STXBP5L: variants seen among roughly 807,000 people sequenced by gnomAD.
The protein encoded by STXBP5L is syntaxin-binding protein 5-like.
A neutral mutation model predicts 144.5 loss-of-function variants in STXBP5L; 65 were observed. The ratio of observed to expected loss-of-function variants is 0.45; its 90% CI spans 0.37 to 0.55. STXBP5L has a LOEUF of 0.55. Among genes scored for constraint, STXBP5L ranks in the 20% least tolerant of loss-of-function variants. The probability of loss-of-function intolerance (pLI) is 0.00; values close to 1 mark genes in which losing one functional copy is unlikely to be tolerated. For missense variants in STXBP5L, 1,298 were observed against 1,405.5 expected (o/e 0.92, Z 1.22); for synonymous variants, 505 against 469.6 (o/e 1.08, Z -0.97).
Position 121,420,226 on chromosome 3 carries a change from G to A in STXBP5L, c.*1129G>A, listed in dbSNP as rs2047326055. On this transcript the variant is annotated 3_prime_UTR_variant, in exon 27 of 27. Transcript: ENST00000471454. ...TTTATGACATTTCTGATTTACAAGG[G>A]CTTTCCTTAGAAAATACCTTTCGGT... is the stretch of plus-strand genomic sequence containing the variant. 1 of 152,112 alleles carries A rather than the reference G, an allele frequency of 6.6e-6. No homozygotes were observed. Among genetic ancestry groups the A allele is most frequent in the Non-Finnish European group, 1.5e-5 (1 of 68,022 alleles). The allele number at this position is 152,112 out of a possible 1,614,324, so 9.4% of individuals were successfully genotyped here.
intron 2 of STXBP5L, among the ~76,000 whole-genome samples, chr3:120,928,183 C>T (rs1277275157): frequency 6.6e-6 from 1 of 152,136 alleles, no homozygotes; most frequent in Non-Finnish European, 1.5e-5. Flanking sequence ...AAATATCTTA[C>T]ATTTTCTAAA....
At chr3:121,180,434 G>A (rs2047095800) in intron 9 of STXBP5L, among the ~76,000 whole-genome samples, 1 of 152,122 alleles carries the variant, frequency 6.6e-6, no homozygotes, top group Admixed American at 6.6e-5. Flanking sequence ...ATGCTAAAAG[G>A]AGTTTTGAAT....
chr3:121,008,979 C>T (rs1944568226), intron 3 of STXBP5L, among the ~76,000 whole-genome samples: 1 of 150,716 alleles, frequency 6.6e-6, no homozygotes, highest in Admixed American at 6.6e-5. Flanking sequence ...GGAATGATAT[C>T]ATATTGATGG....
intron 5 of STXBP5L, among the ~76,000 whole-genome samples, chr3:121,086,437 A>T (rs2042497461): frequency 6.6e-6 from 1 of 151,896 alleles, no homozygotes; most frequent in South Asian, 2.1e-4. Flanking sequence ...GTAACATTAT[A>T]GCACAATGCA....
At position 121,222,397 on chromosome 3, in the gene STXBP5L, T is replaced by C. The variant is rs149344915; in HGVS notation, c.957-606T>C. Among the ~76,000 whole-genome samples the C allele has an allele frequency of 1.2e-4, 18 of 152,264 alleles. No individual in the cohort carries two copies. In the East Asian group the frequency reaches 3.3e-3, roughly 28 times the overall value. Reference sequence around the variant, plus strand: ...ATGGAGTTTATACTGATCTATAGACTGGCCACAAGTAAAATAGAAAAGGCA... The same window carrying C: ...ATGGAGTTTATACTGATCTATAGACCGGCCACAAGTAAAATAGAAAAGGCA... On this transcript the variant is annotated intron_variant, in intron 10 of 26. Coordinates refer to ENST00000471454, the MANE Select transcript of STXBP5L (RefSeq NM_001308330.2).
At chr3:121,035,981 A>C (rs1325085030) in intron 3 of STXBP5L, among the ~76,000 whole-genome samples, 1 of 152,162 alleles carries the variant, frequency 6.6e-6, no homozygotes, top group Non-Finnish European at 1.5e-5. Context: ...GTGCTGTTTT[A>C]AATGAATTTT....
chr3:121,213,417 A>G lies in STXBP5L; in HGVS notation c.956+7416A>G, dbSNP rs147474173. ...AGTTTATTGAGAGTTTTTAGCATGA[A>G]GGGGTGTTGAATTTTATCAAAGGCC... On this transcript the variant is annotated intron_variant, in intron 10 of 26. Transcript: ENST00000471454. Among the ~76,000 whole-genome samples the G allele has an allele frequency of 5.4e-3, 824 of 152,254 alleles. 11 individuals are homozygous for G. The highest frequency in any genetic ancestry group is 0.019 in the African/African-American group (790 of 41,552).
intron 10 of STXBP5L, among the ~76,000 whole-genome samples, chr3:121,207,943 G>A (rs1456870686): frequency 2.0e-5 from 3 of 152,146 alleles, no homozygotes; most frequent in South Asian, 2.1e-4. Context: ...CAGGGATCTA[G>A]TACTAGAAAT....
At chr3:121,416,736 C>T (rs1161044671) in intron 25 of STXBP5L, among the ~76,000 whole-genome samples, 1 of 151,834 alleles carries the variant, frequency 6.6e-6, no homozygotes, top group Non-Finnish European at 1.5e-5. Context: ...GACTCCTGAC[C>T]TCAGGTGATC....
chr3:121,423,785 G>C lies in STXBP5L; in HGVS notation c.*4688G>C, dbSNP rs2047403581. 1 of 152,210 alleles carries C rather than the reference G, an allele frequency of 6.6e-6. No homozygotes were observed. Among genetic ancestry groups the C allele is most frequent in the Non-Finnish European group, 1.5e-5 (1 of 68,042 alleles). 9.4% of individuals were successfully genotyped at this position (152,210 alleles called of 1,614,324 possible). The stretch of plus-strand genomic sequence containing the variant: ...TGCCTTGGCTGGTGCTCCAGCCCCA[G>C]TTCTGAGTGGTCAGGGAAGGCAAGA... On this transcript the variant is annotated 3_prime_UTR_variant, in exon 27 of 27. Coordinates refer to ENST00000471454, the MANE Select transcript of STXBP5L (RefSeq NM_001308330.2).
At chr3:120,979,285 G>A (rs911853188) in intron 3 of STXBP5L, among the ~76,000 whole-genome samples, 27 of 152,192 alleles carry the variant, frequency 1.8e-4, no homozygotes, top group South Asian at 2.1e-4. Flanking sequence ...CTGCCGCCTT[G>A]CAGTTTGATC....
intron 18 of STXBP5L, among the ~76,000 whole-genome samples, chr3:121,267,195 A>T (rs2050593793): frequency 6.6e-6 from 1 of 152,208 alleles, no homozygotes. Flanking sequence ...ACAGCATAAT[A>T]CTGGTACTAA....
At chr3:121,060,859 CTCT>C (rs1339118854) in intron 5 of STXBP5L, among the ~76,000 whole-genome samples, 3 of 151,930 alleles carry the variant, frequency 2.0e-5, no homozygotes, top group Admixed American at 6.6e-5. Flanking sequence ...TGATTCTTTT[CTCT>C]TCTTCTTTAT....
chr3:121,399,050 G>A (rs1309242655), intron 22 of STXBP5L, among the ~76,000 whole-genome samples: 1 of 152,092 alleles, frequency 6.6e-6, no homozygotes, highest in Non-Finnish European at 1.5e-5. Context: ...TAATGAGGGG[G>A]TGCAGAAGGG....
chr3:121,039,297 G>A (rs1946976832), intron 3 of STXBP5L, among the ~76,000 whole-genome samples: 1 of 151,696 alleles, frequency 6.6e-6, no homozygotes, highest in East Asian at 1.9e-4. Context: ...TTAATAGTGT[G>A]CAGCTGTACC....
intron 3 of STXBP5L, among the ~76,000 whole-genome samples, chr3:120,963,623 G>C (rs913087257): frequency 3.3e-5 from 5 of 152,086 alleles, no homozygotes; most frequent in South Asian, 4.1e-4. Context: ...GGATGAAGCT[G>C]ACTTGATCAT....
chr3:120,921,827 T>C (rs905242411), intron 2 of STXBP5L, among the ~76,000 whole-genome samples: 1 of 152,090 alleles, frequency 6.6e-6, no homozygotes, highest in Non-Finnish European at 1.5e-5. Context: ...GGTCTATGTA[T>C]CTTTGTTTAT....
At chr3:121,337,484 CA>C (rs1010255815) in intron 20 of STXBP5L, among the ~76,000 whole-genome samples, 5 of 135,530 alleles carry the variant, frequency 3.7e-5, no homozygotes, top group African/African-American at 1.1e-4. Context: ...ATAAAAGAAT[CA>C]ATCCCCAGCA....
Position 121,421,504 on chromosome 3 carries a change from C to T in STXBP5L, c.*2407C>T, listed in dbSNP as rs1182299501. 2 of 152,028 alleles carry T rather than the reference C, an allele frequency of 1.3e-5. No homozygotes were observed. Among genetic ancestry groups the T allele is most frequent in the South Asian group, 4.1e-4 (2 of 4,824 alleles). The allele number at this position is 152,028 out of a possible 1,614,324, so 9.4% of individuals were successfully genotyped here. A position where few individuals can be genotyped will look rare whatever the true frequency, so the allele number is the denominator to read the frequency against. On this transcript the variant is annotated 3_prime_UTR_variant, in exon 27 of 27. Coordinates refer to ENST00000471454, the MANE Select transcript of STXBP5L (RefSeq NM_001308330.2). ...TCTCCAGTCATTGCCAAAATTTCTCCCAGTTCACAGCCACTATTCTACATC... is the reference window on the plus strand; with the variant it reads ...TCTCCAGTCATTGCCAAAATTTCTCTCAGTTCACAGCCACTATTCTACATC...
Sources: allele counts gnomAD v4.1 joint callset (sites outside exome capture counted in the v4.1 genomes callset), GRCh38; gene constraint gnomAD v4.1.1; transcripts MANE v1.5; gene names NCBI Gene and HGNC (gene_info 2026-07-23, HGNC 2026-07-21).